ITSN1: variants seen among roughly 807,000 people sequenced by gnomAD.
The protein encoded by ITSN1 is intersectin 1, also known as intersectin-1.
ITSN1 carries 58 observed loss-of-function variants against 239.8 expected under a neutral mutation model. The ratio of observed to expected loss-of-function variants is 0.24; its 90% CI spans 0.20 to 0.30. The LOEUF (loss-of-function observed/expected upper bound fraction) is 0.30. ITSN1 is among the 10% of genes least tolerant of loss of function. ITSN1 has a pLI of 1.00. For missense variants in ITSN1, 1,558 were observed against 2,103.3 expected (o/e 0.74, Z 5.07); for synonymous variants, 780 against 770.8 (o/e 1.01, Z -0.20).
intron 36 of ITSN1, among the ~76,000 whole-genome samples, chr21:33,884,509 A>G (rs1985461930): frequency 6.6e-6 from 1 of 152,218 alleles, no homozygotes; most frequent in Non-Finnish European, 1.5e-5. Flanking sequence ...ATCATTCCAA[A>G]GAGCATTTGC....
chr21:33,684,246 C>G (rs1164925359), intron 1 of ITSN1, among the ~76,000 whole-genome samples: 1 of 152,218 alleles, frequency 6.6e-6, no homozygotes, highest in Non-Finnish European at 1.5e-5. Flanking sequence ...TTAGGGTCAA[C>G]TCACAGGTCA....
At position 33,710,080 on chromosome 21, in the gene ITSN1, TG is replaced by T. The variant is rs1443864086; in HGVS notation, c.-32-8716del. Reference sequence around the variant, plus strand: ...TAATTTGCTGAGAGGCATTTTTTTTTGTTTTTTTTTTTTTTTGAGACAGAGT... The same window carrying T: ...TAATTTGCTGAGAGGCATTTTTTTTTTTTTTTTTTTTTTTTGAGACAGAGT... On this transcript the variant is annotated intron_variant, in intron 1 of 39. Coordinates refer to ENST00000381318, the MANE Select transcript of ITSN1 (RefSeq NM_003024.3). Among the ~76,000 whole-genome samples, 208 of 151,002 alleles carry T rather than the reference TG, an allele frequency of 1.4e-3. 1 individual carries two copies. The highest frequency in any genetic ancestry group is 4.9e-3 in the African/African-American group (202 of 40,984).
chr21:33,742,183 G>C (rs892605831), intron 5 of ITSN1, among the ~76,000 whole-genome samples: 6 of 150,682 alleles, frequency 4.0e-5, no homozygotes, highest in Admixed American at 3.3e-4. Flanking sequence ...CAGCCTCCCC[G>C]GTAGCTGGGA....
chr21:33,866,111 G>A (rs1179676149), intron 32 of ITSN1, among the ~76,000 whole-genome samples: 1 of 152,218 alleles, frequency 6.6e-6, no homozygotes, highest in African/African-American at 2.4e-5. Context: ...GCATTTTGGA[G>A]ACAGGCCATC....
chr21:33,811,802 G>C (rs904591411), intron 21 of ITSN1, among the ~76,000 whole-genome samples: 5 of 152,230 alleles, frequency 3.3e-5, no homozygotes, highest in African/African-American at 1.2e-4. Context: ...GGTTTGAAAT[G>C]ATAGATGAAA....
At chr21:33,885,370 AGGC>A in intron 37 of ITSN1, 66 bp from the exon 38 acceptor site, 1 of 1,371,528 alleles carries the variant, frequency 7.3e-7, no homozygotes, top group Non-Finnish European at 1.0e-6. Flanking sequence ...ATGCATTGTG[AGGC>A]TCACAGAGAT....
At chr21:33,646,408 C>G (rs1464229669) in intron 1 of ITSN1, among the ~76,000 whole-genome samples, 1 of 152,206 alleles carries the variant, frequency 6.6e-6, no homozygotes, top group African/African-American at 2.4e-5. Context: ...ATAAGTCCAA[C>G]ATACTGCTAT....
At chr21:33,828,797 T>C (rs1285835798) in intron 26 of ITSN1, among the ~76,000 whole-genome samples, 1 of 152,178 alleles carries the variant, frequency 6.6e-6, no homozygotes, top group African/African-American at 2.4e-5. Flanking sequence ...GTTCTGTCTC[T>C]TCATACTCAG....
At chr21:33,760,344 A>G (rs999906766) in intron 8 of ITSN1, among the ~76,000 whole-genome samples, 3 of 152,056 alleles carry the variant, frequency 2.0e-5, no homozygotes, top group Non-Finnish European at 4.4e-5. Flanking sequence ...GTGCGATTAT[A>G]CTCTCTTTCA....
intron 1 of ITSN1, among the ~76,000 whole-genome samples, chr21:33,663,360 T>C (rs1470487074): frequency 3.3e-5 from 5 of 149,362 alleles, no homozygotes; most frequent in Non-Finnish European, 7.4e-5. Flanking sequence ...AAAATTATAC[T>C]GTAAATTATA....
chr21:33,726,985 A>G (rs1411806580), intron 4 of ITSN1, among the ~76,000 whole-genome samples: 2 of 152,216 alleles, frequency 1.3e-5, no homozygotes, highest in Non-Finnish European at 2.9e-5. Flanking sequence ...TAGAAACTAT[A>G]TTCCAGTTAA....
At position 33,667,423 on chromosome 21, in the gene ITSN1, A is replaced by G. The variant is rs555278422; in HGVS notation, c.-33+24710A>G. Among the ~76,000 whole-genome samples, 28 of 152,352 alleles carry G rather than the reference A, an allele frequency of 1.8e-4. No homozygotes were observed. The East Asian group carries it at 5.4e-3, about 29-fold the overall frequency. ...AGCATATACGAACTACTTGTATTAT[A>G]TATTTTTGAAAACAGAAGGAAAATA... is the stretch of plus-strand genomic sequence containing the variant. On this transcript the variant is annotated intron_variant, in intron 1 of 39. Coordinates refer to ENST00000381318, the MANE Select transcript of ITSN1 (RefSeq NM_003024.3).
intron 5 of ITSN1, among the ~76,000 whole-genome samples, chr21:33,738,188 A>AAAAAC (rs1264583040): frequency 4.6e-5 from 7 of 151,866 alleles, no homozygotes; most frequent in Non-Finnish European, 8.8e-5. Flanking sequence ...CCCTATCTCA[A>AAAAAC]AAAACAAAAC....
intron 11 of ITSN1, among the ~76,000 whole-genome samples, chr21:33,769,539 C>T (rs145604675): frequency 6.6e-6 from 1 of 152,156 alleles, no homozygotes; most frequent in Non-Finnish European, 1.5e-5. Flanking sequence ...GGCTGGAAGT[C>T]CAAGATCACG....
At chr21:33,730,759 G>T (rs1362812452) in intron 4 of ITSN1, among the ~76,000 whole-genome samples, 2 of 150,678 alleles carry the variant, frequency 1.3e-5, no homozygotes, top group African/African-American at 2.4e-5. Flanking sequence ...CAGGCTGGAG[G>T]TGCTATCTTA....
chr21:33,663,490 A>T (rs1184388591), intron 1 of ITSN1, among the ~76,000 whole-genome samples: 1 of 152,262 alleles, frequency 6.6e-6, no homozygotes, highest in East Asian at 1.9e-4. Context: ...AATATCCTGA[A>T]TATTGTTTTG....
intron 10 of ITSN1, among the ~76,000 whole-genome samples, chr21:33,767,417 A>C (rs191487949): frequency 6.6e-6 from 1 of 152,258 alleles, no homozygotes; most frequent in African/African-American, 2.4e-5. Flanking sequence ...CTTAGTGCTC[A>C]CCATGTCCCA....
intron 29 of ITSN1, among the ~76,000 whole-genome samples, chr21:33,842,495 G>A (rs1007507839): frequency 6.8e-6 from 1 of 148,066 alleles, no homozygotes. Flanking sequence ...TGATGTCAAC[G>A]GTGTGTGTGT....
intron 1 of ITSN1, among the ~76,000 whole-genome samples, chr21:33,659,900 T>A (rs1448015950): frequency 6.6e-6 from 1 of 150,974 alleles, no homozygotes; most frequent in African/African-American, 2.4e-5. Context: ...AAAAAAAAAT[T>A]TTTGTAGAGA....
Sources: gnomAD v4.1 joint callset for allele counts (sites outside exome capture counted in the v4.1 genomes callset) on GRCh38, gnomAD v4.1.1 for gene constraint, MANE v1.5 for transcripts, NCBI Gene and HGNC (gene_info 2026-07-23, HGNC 2026-07-21) for gene names.